The following RERE variants were observed in gnomAD, a reference collection of about 807,000 sequenced individuals.
RERE encodes arginine-glutamic acid dipeptide repeats, also known as arginine-glutamic acid dipeptide repeats protein.
A neutral mutation model predicts 146.1 loss-of-function variants in RERE; 40 were observed. The ratio of observed to expected loss-of-function variants is 0.27; its 90% CI spans 0.21 to 0.36. The LOEUF (loss-of-function observed/expected upper bound fraction) is 0.36, where lower values mean the gene tolerates loss of function less well. Ranked by LOEUF, RERE falls within the 10% of genes least tolerant of loss-of-function variation. RERE has a pLI of 1.00. For missense variants in RERE, 1,933 were observed against 2,138.7 expected, an observed-to-expected ratio of 0.90 and a Z score of 1.90; for synonymous variants, 1,003 against 866.0, an observed-to-expected ratio of 1.16 and a Z score of -2.78.
intron 3 of RERE, among the ~76,000 whole-genome samples, chr1:8,623,788 G>A (rs1225568664): frequency 6.6e-6 from 1 of 152,062 alleles, no homozygotes. Flanking sequence ...CACTAAAACT[G>A]GAAAGAAAGT....
chr1:8,719,422 A>C (rs1269164556), intron 1 of RERE, among the ~76,000 whole-genome samples: 1 of 152,226 alleles, frequency 6.6e-6, no homozygotes, highest in African/African-American at 2.4e-5. Context: ...ATTATTAAAT[A>C]TCCAAAAGGA....
At chr1:8,735,820 G>GT (rs1156560014) in intron 1 of RERE, among the ~76,000 whole-genome samples, 1 of 151,726 alleles carries the variant, frequency 6.6e-6, no homozygotes, top group Non-Finnish European at 1.5e-5. Context: ...GCCTTCCACC[G>GT]TGAGTAAAAG....
intron 1 of RERE, among the ~76,000 whole-genome samples, chr1:8,730,305 A>G (rs1640054054): frequency 6.6e-6 from 1 of 152,142 alleles, no homozygotes; most frequent in Admixed American, 6.5e-5. Flanking sequence ...TGTAACTTAG[A>G]AAAGTAATTT....
In RERE at chr1:8,406,799, G is replaced by A. The variant is rs567546695; in HGVS notation, c.1284+15928C>T. On this transcript the variant is annotated intron_variant, in intron 12 of 22. Coordinates refer to ENST00000400908, the MANE Select transcript of RERE (RefSeq NM_001042681.2). The stretch of plus-strand genomic sequence containing the variant: ...AGAATTCTCTTCCATTTAGTCCAGT[G>A]AGGATCTTAAAAAACCTAAGAAGTA... Among the ~76,000 whole-genome samples the A allele has an allele frequency of 5.3e-5, 3 of 56,526 alleles. No individual in the cohort carries two copies. In the South Asian group the frequency reaches 1.3e-3, roughly 25 times the overall value. 37.1% of individuals were successfully genotyped at this position (56,526 alleles called of 152,430 possible). A position where few individuals can be genotyped will look rare whatever the true frequency, so the allele number is the denominator to read the frequency against.
At chr1:8,593,960 C>T (rs1036906807) in intron 4 of RERE, among the ~76,000 whole-genome samples, 2 of 152,140 alleles carry the variant, frequency 1.3e-5, no homozygotes, top group African/African-American at 4.8e-5. Flanking sequence ...CGGGGCAGCA[C>T]ACCCTGAAAA....
intron 1 of RERE, among the ~76,000 whole-genome samples, chr1:8,711,206 A>G (rs1036538241): frequency 6.7e-6 from 1 of 149,666 alleles, no homozygotes; most frequent in East Asian, 2.0e-4. Context: ...TAAACTGCTA[A>G]TAAGTATTTA....
At chr1:8,531,965 A>G (rs1275655554) in intron 7 of RERE, among the ~76,000 whole-genome samples, 1 of 152,212 alleles carries the variant, frequency 6.6e-6, no homozygotes. Flanking sequence ...TAAATGCTTG[A>G]GGGGGTGGAC....
chr1:8,547,232 A>C, intron 6 of RERE, among the ~76,000 whole-genome samples: 1 of 152,214 alleles, frequency 6.6e-6, no homozygotes, highest in East Asian at 1.9e-4. Flanking sequence ...AAAACAAAAA[A>C]GCAAGTACAA....
At chr1:8,479,661 C>T (rs761777594) in intron 10 of RERE, among the ~76,000 whole-genome samples, 24 of 152,276 alleles carry the variant, frequency 1.6e-4, no homozygotes, top group Non-Finnish European at 2.9e-4. Context: ...CAAACAGCCA[C>T]CAGTAGCTAC....
chr1:8,609,658 T>C (rs754123788), intron 4 of RERE, among the ~76,000 whole-genome samples: 1 of 152,162 alleles, frequency 6.6e-6, no homozygotes. Flanking sequence ...AGCAACCAGA[T>C]TGGAGTTCTT....
At chr1:8,606,563 A>C (rs1309175927) in intron 4 of RERE, among the ~76,000 whole-genome samples, 1 of 152,224 alleles carries the variant, frequency 6.6e-6, no homozygotes, top group Non-Finnish European at 1.5e-5. Context: ...TCAAGCTAAA[A>C]AATAGGCCTT....
Position 8,352,918 on chromosome 1 carries a change from A to T in RERE, c.*2169T>A, listed in dbSNP as rs1458387335. ...AGAGGACTCGACTCTTCTTTGGAAA[A>T]ATGGATGCCAAAGGAGGAGATAAAG... On this transcript the variant is annotated 3_prime_UTR_variant, in exon 23 of 23. Coordinates refer to ENST00000400908, the MANE Select transcript of RERE (RefSeq NM_001042681.2). The T allele has an allele frequency of 6.6e-6, 1 of 152,628 alleles. No individual in the cohort carries two copies. The highest frequency in any genetic ancestry group is 6.5e-5 in the Admixed American group (1 of 15,284). The allele number at this position is 152,628 out of a possible 1,614,324, so 9.5% of individuals were successfully genotyped here.
chr1:8,413,718 A>G (rs995278248), intron 12 of RERE, among the ~76,000 whole-genome samples: 1 of 152,116 alleles, frequency 6.6e-6, no homozygotes, highest in Non-Finnish European at 1.5e-5. Flanking sequence ...AACAGCAACC[A>G]GCCTGGGGAG....
intron 1 of RERE, among the ~76,000 whole-genome samples, chr1:8,793,920 G>A (rs1029676254): frequency 6.6e-6 from 1 of 152,028 alleles, no homozygotes; most frequent in African/African-American, 2.4e-5. Flanking sequence ...AAAAAAATTA[G>A]CCAAATGTGG....
intron 10 of RERE, among the ~76,000 whole-genome samples, chr1:8,478,301 G>T (rs774029250): frequency 7.9e-5 from 12 of 152,156 alleles, no homozygotes; most frequent in Admixed American, 3.3e-4. Context: ...AGTAAAGGTG[G>T]ACTTGACTTG....
At chr1:8,494,680 G>A (rs562170610) in intron 10 of RERE, among the ~76,000 whole-genome samples, 23 of 152,186 alleles carry the variant, frequency 1.5e-4, no homozygotes, top group Admixed American at 2.6e-4. Context: ...CTGAGATCGC[G>A]CCACTGCCAG....
intron 2 of RERE, among the ~76,000 whole-genome samples, chr1:8,649,791 G>T (rs748721431): frequency 6.6e-6 from 1 of 151,780 alleles, no homozygotes; most frequent in Non-Finnish European, 1.5e-5. Context: ...ACTATTGTCA[G>T]TAGATGGCAG....
At chr1:8,717,635 A>C (rs1306174187) in intron 1 of RERE, among the ~76,000 whole-genome samples, 1 of 152,216 alleles carries the variant, frequency 6.6e-6, no homozygotes, top group Admixed American at 6.5e-5. Flanking sequence ...TAAGATTCCT[A>C]TTTCATTTGC....
At chr1:8,362,230 G>A (rs1641607369) in intron 16 of RERE, among the ~76,000 whole-genome samples, 2 of 152,186 alleles carry the variant, frequency 1.3e-5, no homozygotes, top group South Asian at 2.1e-4. Flanking sequence ...CATTTACATT[G>A]CACTGGGCAG....
Sources: gnomAD v4.1 joint callset for allele counts (sites outside exome capture counted in the v4.1 genomes callset) on GRCh38, gnomAD v4.1.1 for gene constraint, MANE v1.5 for transcripts, NCBI Gene and HGNC (gene_info 2026-07-23, HGNC 2026-07-21) for gene names.